HECW1: variants seen among roughly 807,000 people sequenced by gnomAD.
The protein encoded by HECW1 is HECT, C2 and WW domain containing E3 ubiquitin protein ligase 1.
In HECW1, 61 loss-of-function variants were observed where a neutral mutation model predicts 182.3. The observed-to-expected ratio is 0.33, with a 90% CI of 0.27 to 0.41. The LOEUF (loss-of-function observed/expected upper bound fraction) is 0.41, where lower values mean the gene tolerates loss of function less well. Among genes scored for constraint, HECW1 ranks in the 10% least tolerant of loss-of-function variants. The pLI is 1.00. For missense variants in HECW1, 1,739 were observed against 2,108.9 expected, an observed-to-expected ratio of 0.82 and a Z score of 3.44; for synonymous variants, 859 against 832.6, an observed-to-expected ratio of 1.03 and a Z score of -0.55.
At chr7:43,544,245 A>G (rs1314772999) in intron 26 of HECW1, among the ~76,000 whole-genome samples, 1 of 152,272 alleles carries the variant, frequency 6.6e-6, no homozygotes, top group Non-Finnish European at 1.5e-5. Context: ...AATGTTTAAT[A>G]CATAACATAA....
At chr7:43,443,966 C>A (rs911927617) in intron 10 of HECW1, among the ~76,000 whole-genome samples, 1 of 152,186 alleles carries the variant, frequency 6.6e-6, no homozygotes, top group African/African-American at 2.4e-5. Flanking sequence ...GCATTTTAAC[C>A]AAAAGATGAA....
chr7:43,469,541 A>G (rs2077932091), intron 16 of HECW1, among the ~76,000 whole-genome samples: 1 of 152,154 alleles, frequency 6.6e-6, no homozygotes, highest in Admixed American at 6.5e-5. Context: ...ATTTGTTGTG[A>G]TTTCTCTAAT....
At chr7:43,300,692 A>G (rs1399992985) in intron 3 of HECW1, among the ~76,000 whole-genome samples, 2 of 152,206 alleles carry the variant, frequency 1.3e-5, no homozygotes, top group African/African-American at 4.8e-5. Flanking sequence ...TGATCACAAA[A>G]GGAAAGTGCT....
chr7:43,441,722 T>C (rs1187756552), intron 9 of HECW1, among the ~76,000 whole-genome samples: 1 of 152,258 alleles, frequency 6.6e-6, no homozygotes, highest in African/African-American at 2.4e-5. Flanking sequence ...AGCATGGCCG[T>C]GCTCCAATAA....
chr7:43,142,771 A>C (rs1788300831), intron 2 of HECW1, among the ~76,000 whole-genome samples: 1 of 152,208 alleles, frequency 6.6e-6, no homozygotes, highest in Non-Finnish European at 1.5e-5. Context: ...TCCACTTGAT[A>C]GCTTCCTGTG....
intron 7 of HECW1, among the ~76,000 whole-genome samples, chr7:43,402,007 C>T (rs550558872): frequency 2.0e-5 from 3 of 152,046 alleles, no homozygotes; most frequent in African/African-American, 7.2e-5. Flanking sequence ...TGGGGAAGGT[C>T]GAAGAGGAGA....
chr7:43,138,104 A>G (rs1175205785), intron 2 of HECW1, among the ~76,000 whole-genome samples: 1 of 152,234 alleles, frequency 6.6e-6, no homozygotes, highest in Non-Finnish European at 1.5e-5. Flanking sequence ...AAGTCAGAAT[A>G]ATAACCCTCG....
rs78840311 is a variant in HECW1, at chr7:43,360,674, A to G, written c.461-212A>G. On this transcript the variant is annotated intron_variant, in intron 5 of 29. Transcript: ENST00000395891. ...TAAATAATGGACTTAACTTGGATAC[A>G]AAAATGTTAAGGCCAGAACAATTTT... 4.2e-3 allele frequency among the ~76,000 whole-genome samples: 644 copies of G among 152,322 alleles called. 4 individuals are homozygous for G. Among genetic ancestry groups the G allele is most frequent in the African/African-American group, 0.015 (608 of 41,562 alleles).
At position 43,157,922 on chromosome 7, in the gene HECW1, G is replaced by A. The variant is rs551318566; in HGVS notation, c.-32+43531G>A. On this transcript the variant is annotated intron_variant, in intron 2 of 29. Coordinates refer to ENST00000395891, the MANE Select transcript of HECW1 (RefSeq NM_015052.5). ...ACAGAAATGTAGAGCACAGATTTTG[G>A]CCTTAGACAGCTCTGGTCTGAGTCC... 1.1e-4 allele frequency among the ~76,000 whole-genome samples: 17 copies of A among 152,262 alleles called. 1 individual carries two copies. The South Asian group carries it at 1.7e-3, about 15-fold the overall frequency.
intron 18 of HECW1, 46 bp from the exon 19 acceptor site, chr7:43,493,038 C>G: frequency 2.3e-6 from 3 of 1,331,514 alleles, no homozygotes; most frequent in Non-Finnish European, 3.2e-6. Context: ...GAGTGATTAT[C>G]TCTGGGCTGC....
chr7:43,435,359 T>G (rs1362872688), intron 8 of HECW1, among the ~76,000 whole-genome samples: 2 of 152,158 alleles, frequency 1.3e-5, no homozygotes, highest in Non-Finnish European at 2.9e-5. Flanking sequence ...GTAGTACCTA[T>G]TCCTGGGTTG....
At chr7:43,528,704 G>GC (rs1329137935) in intron 24 of HECW1, among the ~76,000 whole-genome samples, 3 of 152,154 alleles carry the variant, frequency 2.0e-5, no homozygotes, top group African/African-American at 2.4e-5. Context: ...TCACTCCTCT[G>GC]CCCCCCTGCA....
chr7:43,129,239 A>T (rs749105245), intron 2 of HECW1, among the ~76,000 whole-genome samples: 2 of 152,204 alleles, frequency 1.3e-5, no homozygotes, highest in Non-Finnish European at 2.9e-5. Context: ...GATTCAGTTG[A>T]TGGGGCAGAC....
chr7:43,487,092 A>G (rs1283449877), intron 17 of HECW1, among the ~76,000 whole-genome samples: 1 of 152,240 alleles, frequency 6.6e-6, no homozygotes, highest in Non-Finnish European at 1.5e-5. Context: ...GAAGGAATCT[A>G]GAGAGGAATG....
intron 8 of HECW1, among the ~76,000 whole-genome samples, chr7:43,414,078 T>A (rs1254074010): frequency 6.6e-6 from 1 of 151,822 alleles, no homozygotes; most frequent in East Asian, 1.9e-4. Flanking sequence ...TGATTCTTCC[T>A]ACCCATGAGC....
chr7:43,353,776 C>T (rs1209905755), intron 5 of HECW1, among the ~76,000 whole-genome samples: 1 of 152,186 alleles, frequency 6.6e-6, no homozygotes, highest in Non-Finnish European at 1.5e-5. Flanking sequence ...GTCCCTGCCT[C>T]AACCCACGAG....
intron 5 of HECW1, among the ~76,000 whole-genome samples, chr7:43,335,393 G>A (rs1379837315): frequency 1.3e-5 from 2 of 152,222 alleles, no homozygotes; most frequent in Admixed American, 1.3e-4. Flanking sequence ...ATGTTTGTGA[G>A]TGGGCCCTCC....
intron 3 of HECW1, among the ~76,000 whole-genome samples, chr7:43,307,920 A>T (rs1199252179): frequency 7.2e-6 from 1 of 138,190 alleles, no homozygotes; most frequent in Non-Finnish European, 1.5e-5. Context: ...ATATATATAC[A>T]CACACACATA....
At position 43,563,336 on chromosome 7, in the gene HECW1, T is replaced by G; in HGVS notation, c.*1410T>G. The G allele has an allele frequency of 4.8e-6, 1 of 209,604 alleles. No individual in the cohort carries two copies. Among genetic ancestry groups the G allele is most frequent in the Non-Finnish European group, 9.7e-6 (1 of 103,182 alleles). The allele number at this position is 209,604 out of a possible 1,614,324, so 13.0% of individuals were successfully genotyped here. On this transcript the variant is annotated 3_prime_UTR_variant, in exon 30 of 30. Transcript: ENST00000395891. ...ACATTTGAAATAAACCCAACCATAATGGTCATTTGCTATTTTTCTAACGTT... is the reference window on the plus strand; with the variant it reads ...ACATTTGAAATAAACCCAACCATAAGGGTCATTTGCTATTTTTCTAACGTT...
Sources: allele counts gnomAD v4.1 joint callset (sites outside exome capture counted in the v4.1 genomes callset), GRCh38; gene constraint gnomAD v4.1.1; transcripts MANE v1.5; gene names NCBI Gene and HGNC (gene_info 2026-07-23, HGNC 2026-07-21).